The following UCHL3 variants were observed in gnomAD, a reference collection of about 807,000 sequenced individuals.
UCHL3 encodes the protein ubiquitin C-terminal hydrolase L3, also known as ubiquitin carboxyl-terminal hydrolase isozyme L3.
UCHL3 carries 22 observed loss-of-function variants against 35.8 expected under a neutral mutation model. That is an observed-to-expected ratio of 0.61 (90% CI 0.44 to 0.88). The LOEUF (loss-of-function observed/expected upper bound fraction) is 0.88. Ranked by LOEUF, UCHL3 falls within the 40% of genes least tolerant of loss-of-function variation. The pLI is 0.00. For synonymous variants in UCHL3, 90 were observed against 92.8 expected, an observed-to-expected ratio of 0.97 and a Z score of 0.17; for missense variants, 229 against 276.9, an observed-to-expected ratio of 0.83 and a Z score of 1.23.
At chr13:75,557,575 C>T (rs2031335306) in intron 2 of UCHL3, among the ~76,000 whole-genome samples, 1 of 151,958 alleles carries the variant, frequency 6.6e-6, no homozygotes, top group Non-Finnish European at 1.5e-5. Flanking sequence ...ACCTTTTATC[C>T]TGCTTGATGT....
chr13:75,564,974 G>A (rs2031639001), intron 3 of UCHL3, among the ~76,000 whole-genome samples: 1 of 152,176 alleles, frequency 6.6e-6, no homozygotes, highest in South Asian at 2.1e-4. Flanking sequence ...GGGATTACAG[G>A]TGTGAGCTAC....
At chr13:75,594,244 A>T (rs975421373) in intron 6 of UCHL3, among the ~76,000 whole-genome samples, 4 of 152,244 alleles carry the variant, frequency 2.6e-5, no homozygotes, top group African/African-American at 9.6e-5. Flanking sequence ...TTTGTTAAGC[A>T]TCAAAGCAAG....
At chr13:75,595,033 TG>T in intron 7 of UCHL3, 43 bp downstream of exon 7, 1 of 1,418,784 alleles carries the variant, frequency 7.0e-7, no homozygotes, top group Non-Finnish European at 9.6e-7. Context: ...AAATGGTAAA[TG>T]GGAAAGTCTC....
At chr13:75,557,801 T>G (rs970210174) in intron 2 of UCHL3, among the ~76,000 whole-genome samples, 2 of 152,236 alleles carry the variant, frequency 1.3e-5, no homozygotes, top group Non-Finnish European at 2.9e-5. Flanking sequence ...GTAAAACTAA[T>G]GCTTTTATAA....
intron 5 of UCHL3, among the ~76,000 whole-genome samples, chr13:75,568,357 T>G (rs2031750372): frequency 6.6e-6 from 1 of 151,948 alleles, no homozygotes; most frequent in South Asian, 2.1e-4. Context: ...AAATTGTTTT[T>G]TTCTTTAAAA....
At chr13:75,602,576 G>A (rs1252735136) in intron 7 of UCHL3, among the ~76,000 whole-genome samples, 2 of 152,176 alleles carry the variant, frequency 1.3e-5, no homozygotes, top group East Asian at 1.9e-4. Flanking sequence ...GAAATTACAC[G>A]CAAAGTTGTT....
chr13:75,584,268 A>G (rs1257515273), intron 6 of UCHL3, among the ~76,000 whole-genome samples: 1 of 152,148 alleles, frequency 6.6e-6, no homozygotes, highest in African/African-American at 2.4e-5. Flanking sequence ...ACCAAGAAAC[A>G]GGTCTCAAAT....
At chr13:75,553,835 C>G (rs1431404327) in intron 2 of UCHL3, among the ~76,000 whole-genome samples, 1 of 152,178 alleles carries the variant, frequency 6.6e-6, no homozygotes, top group Non-Finnish European at 1.5e-5. Flanking sequence ...CCCATCTCTG[C>G]TCTAAACCCT....
In UCHL3 at chr13:75,552,516, G is replaced by A. The variant is rs563066648; in HGVS notation, c.54+2529G>A. Among the ~76,000 whole-genome samples the A allele has an allele frequency of 2.6e-5, 4 of 152,302 alleles. No homozygotes were observed. The South Asian group carries it at 6.2e-4, about 24-fold the overall frequency. On this transcript the variant is annotated intron_variant, in intron 2 of 8. Transcript: ENST00000377595. ...TCACATGTCTACTATATGCAGATGA[G>A]TATTAATTGTTAGACATTAGCTAGT...
chr13:75,605,671 C>A, intron 8 of UCHL3, 58 bp from the exon 9 acceptor site: 1 of 1,496,074 alleles, frequency 6.7e-7, no homozygotes. Flanking sequence ...AAATGTTTAT[C>A]ATTTGTAAGT....
At chr13:75,579,670 C>G (rs184328456) in intron 6 of UCHL3, among the ~76,000 whole-genome samples, 25 of 152,076 alleles carry the variant, frequency 1.6e-4, no homozygotes, top group African/African-American at 5.8e-4. Flanking sequence ...ATTCTTAGAC[C>G]GAACTTACCA....
chr13:75,605,907 T>C lies in UCHL3; in HGVS notation c.*95T>C, dbSNP rs2032933257. ...AAAAATTTTGATATTTTCATTAACT[T>C]GATGATTAAACTTTATGTGAGTTAA... On this transcript the variant is annotated 3_prime_UTR_variant, in exon 9 of 9. Coordinates refer to ENST00000377595, the MANE Select transcript of UCHL3 (RefSeq NM_006002.5). 8.2e-7 allele frequency: 1 copy of C among 1,215,376 alleles called. No individual in the cohort carries two copies. Among genetic ancestry groups the C allele is most frequent in the Non-Finnish European group, 1.2e-6 (1 of 840,948 alleles). The allele number at this position is 1,215,376 out of a possible 1,614,324, so 75.3% of individuals were successfully genotyped here. A position where few individuals can be genotyped will look rare whatever the true frequency, so the allele number is the denominator to read the frequency against.
chr13:75,587,245 T>C (rs1195036645), intron 6 of UCHL3, among the ~76,000 whole-genome samples: 1 of 151,868 alleles, frequency 6.6e-6, no homozygotes, highest in African/African-American at 2.4e-5. Flanking sequence ...TATTAAAAAA[T>C]GGAGAAGGGC....
At chr13:75,582,991 T>C (rs1325375252) in intron 6 of UCHL3, among the ~76,000 whole-genome samples, 2 of 152,226 alleles carry the variant, frequency 1.3e-5, no homozygotes, top group Non-Finnish European at 2.9e-5. Context: ...TATGTCTATA[T>C]TATGCATTAT....
At chr13:75,589,240 A>G (rs1053941608) in intron 6 of UCHL3, among the ~76,000 whole-genome samples, 1 of 152,172 alleles carries the variant, frequency 6.6e-6, no homozygotes, top group Non-Finnish European at 1.5e-5. Context: ...CCTCATTTGC[A>G]TAACAGGAAT....
rs2032934142 is a variant in UCHL3, at chr13:75,605,950, G to C, written c.*138G>C. The stretch of plus-strand genomic sequence containing the variant: ...TGAGTTAAACTTTGCCTTAACCTGT[G>C]TTTTATGTTATTTTTGCTCCAGGTT... On this transcript the variant is annotated 3_prime_UTR_variant, in exon 9 of 9. Coordinates refer to ENST00000377595, the MANE Select transcript of UCHL3 (RefSeq NM_006002.5). 2 of 738,004 alleles carry C rather than the reference G, an allele frequency of 2.7e-6. No individual in the cohort carries two copies. Among genetic ancestry groups the C allele is most frequent in the South Asian group, 4.2e-5 (2 of 47,462 alleles). 45.7% of individuals were successfully genotyped at this position (738,004 alleles called of 1,614,324 possible). A position where few individuals can be genotyped will look rare whatever the true frequency, so the allele number is the denominator to read the frequency against.
At chr13:75,559,914 T>G (rs2031435706) in intron 2 of UCHL3, among the ~76,000 whole-genome samples, 1 of 152,202 alleles carries the variant, frequency 6.6e-6, no homozygotes, top group African/African-American at 2.4e-5. Flanking sequence ...ACATTCTCAT[T>G]TTTTCTCTAT....
chr13:75,573,767 G>T (rs9600498), intron 6 of UCHL3, among the ~76,000 whole-genome samples: 22,368 of 152,070 alleles, frequency 0.15, 1,948 homozygotes, highest in Middle Eastern at 0.32. Flanking sequence ...ATATAGTCAC[G>T]TTGAAGGTTA....
intron 2 of UCHL3, among the ~76,000 whole-genome samples, chr13:75,558,255 T>C (rs1019773285): frequency 1.3e-5 from 2 of 152,218 alleles, no homozygotes; most frequent in African/African-American, 4.8e-5. Context: ...ATTGGATCAT[T>C]CATTATGTCC....
Sources: gnomAD v4.1 joint callset for allele counts (sites outside exome capture counted in the v4.1 genomes callset) on GRCh38, gnomAD v4.1.1 for gene constraint, MANE v1.5 for transcripts, NCBI Gene and HGNC (gene_info 2026-07-23, HGNC 2026-07-21) for gene names.